SUGCT: variants seen among roughly 807,000 people sequenced by gnomAD.
The protein encoded by SUGCT is succinyl-CoA:glutarate CoA-transferase.
SUGCT carries 41 observed loss-of-function variants against 55.0 expected under a neutral mutation model. The ratio of observed to expected loss-of-function variants is 0.74; its 90% confidence interval spans 0.58 to 0.97. The LOEUF is 0.97. SUGCT is among the 50% of genes least tolerant of loss of function. SUGCT has a pLI of 0.00. For synonymous variants in SUGCT, 187 were observed against 200.4 expected, an observed-to-expected ratio of 0.93 and a Z score of 0.56; for missense variants, 568 against 547.8, an observed-to-expected ratio of 1.04 and a Z score of -0.37.
chr7:40,473,078 T>C (rs1790482030), intron 11 of SUGCT, among the ~76,000 whole-genome samples: 1 of 152,198 alleles, frequency 6.6e-6, no homozygotes, highest in Non-Finnish European at 1.5e-5. Context: ...TGTTTCTTGT[T>C]TGTGTATTAC....
At chr7:40,158,819 T>A (rs1337590736) in intron 1 of SUGCT, among the ~76,000 whole-genome samples, 1 of 152,214 alleles carries the variant, frequency 6.6e-6, no homozygotes. Context: ...AGCATTTACA[T>A]ATTTGTATTT....
chr7:40,766,303 C>G (rs562820736), intron 13 of SUGCT, among the ~76,000 whole-genome samples: 2 of 152,086 alleles, frequency 1.3e-5, no homozygotes, highest in Non-Finnish European at 2.9e-5. Context: ...CTCTGCCTCC[C>G]GGGTTCAAGC....
chr7:40,927,908 T>TAA, the SUGCT span, among the ~76,000 whole-genome samples: 14 of 152,190 alleles, frequency 9.2e-5, no homozygotes, highest in Non-Finnish European at 1.9e-4. Context: ...ACATGAGAGT[T>TAA]TAGGTATAAA....
chr7:40,878,069 A>G, the SUGCT span, among the ~76,000 whole-genome samples: 1 of 152,068 alleles, frequency 6.6e-6, no homozygotes, highest in Non-Finnish European at 1.5e-5. Context: ...ACTCCATTAT[A>G]TCTTCTTTTG....
At chr7:40,203,732 A>ATG (rs1453846830) in intron 6 of SUGCT, among the ~76,000 whole-genome samples, 4 of 151,702 alleles carry the variant, frequency 2.6e-5, no homozygotes, top group Non-Finnish European at 5.9e-5. Context: ...CTGAGATCGC[A>ATG]CCATTGCACT....
At chr7:40,444,373 T>A (rs1047240285) in intron 9 of SUGCT, among the ~76,000 whole-genome samples, 3 of 152,144 alleles carry the variant, frequency 2.0e-5, no homozygotes, top group African/African-American at 7.2e-5. Context: ...TGTTCTTCCA[T>A]TTGTTTGTGT....
intron 13 of SUGCT, among the ~76,000 whole-genome samples, chr7:40,822,743 C>T (rs1001346542): frequency 3.2e-4 from 48 of 152,244 alleles, no homozygotes; most frequent in African/African-American, 1.1e-3. Context: ...GTGGACTCTC[C>T]TATCTGAGGT....
At chr7:40,617,571 A>G (rs1358021611) in intron 12 of SUGCT, among the ~76,000 whole-genome samples, 1 of 151,926 alleles carries the variant, frequency 6.6e-6, no homozygotes, top group Non-Finnish European at 1.5e-5. Flanking sequence ...AGCTACTTGA[A>G]AAAAAGGCAC....
intron 12 of SUGCT, among the ~76,000 whole-genome samples, chr7:40,605,461 C>T (rs1278764529): frequency 1.3e-5 from 2 of 152,188 alleles, no homozygotes; most frequent in Non-Finnish European, 2.9e-5. Flanking sequence ...TTATGTTTAA[C>T]ATAGCTCTTT....
chr7:40,340,754 G>A (rs930461759), intron 9 of SUGCT, among the ~76,000 whole-genome samples: 2 of 152,162 alleles, frequency 1.3e-5, no homozygotes, highest in African/African-American at 4.8e-5. Context: ...AGAAATAAAA[G>A]CGTTTTTATA....
chr7:40,401,233 C>T (rs1271068432), intron 9 of SUGCT, among the ~76,000 whole-genome samples: 1 of 152,094 alleles, frequency 6.6e-6, no homozygotes, highest in African/African-American at 2.4e-5. Flanking sequence ...CCAAAAATTT[C>T]CTTGGGCTCT....
intron 11 of SUGCT, among the ~76,000 whole-genome samples, chr7:40,463,804 G>A (rs1190442569): frequency 6.6e-6 from 1 of 152,168 alleles, no homozygotes; most frequent in Non-Finnish European, 1.5e-5. Context: ...TTTATCCAGG[G>A]TGTTGCAGAA....
chr7:40,348,381 C>T (rs1435644145), intron 9 of SUGCT, among the ~76,000 whole-genome samples: 6 of 152,322 alleles, frequency 3.9e-5, no homozygotes, highest in Admixed American at 3.3e-4. Context: ...AATGGTGCAG[C>T]TTGGGCTAAC....
intron 13 of SUGCT, among the ~76,000 whole-genome samples, chr7:40,814,285 A>G (rs952580907): frequency 1.3e-5 from 2 of 152,058 alleles, no homozygotes; most frequent in African/African-American, 4.8e-5. Context: ...GATTTCCTCA[A>G]ATTTTTTTTT....
the SUGCT span, among the ~76,000 whole-genome samples, chr7:40,959,418 G>A: frequency 4.6e-5 from 7 of 152,224 alleles, no homozygotes; most frequent in African/African-American, 1.7e-4. Context: ...TTGCCAAGCT[G>A]TGGTGGGCTC....
At chr7:40,686,641 T>A (rs1784480662) in intron 12 of SUGCT, among the ~76,000 whole-genome samples, 1 of 152,118 alleles carries the variant, frequency 6.6e-6, no homozygotes, top group African/African-American at 2.4e-5. Context: ...TATCAGCATC[T>A]ACACATCCAT....
chr7:40,389,772 C>A (rs1379886715), intron 9 of SUGCT, among the ~76,000 whole-genome samples: 2 of 152,190 alleles, frequency 1.3e-5, no homozygotes, highest in African/African-American at 4.8e-5. Flanking sequence ...CTACTCCTAA[C>A]TACTGCACTC....
intron 2 of SUGCT, among the ~76,000 whole-genome samples, 168 bp downstream of exon 2, chr7:40,181,166 TGTA>T (rs1469057502): frequency 1.3e-5 from 2 of 152,118 alleles, no homozygotes; most frequent in African/African-American, 4.8e-5. Context: ...AGACAATTAG[TGTA>T]GTATTTATGC....
At chr7:40,314,099 C>T (rs1418977757) in intron 8 of SUGCT, among the ~76,000 whole-genome samples, 1 of 152,102 alleles carries the variant, frequency 6.6e-6, no homozygotes, top group African/African-American at 2.4e-5. Context: ...AGGTCAGAAA[C>T]ACAGAAGTCA....
Sources: gnomAD v4.1 joint callset for allele counts (sites outside exome capture counted in the v4.1 genomes callset) on GRCh38, gnomAD v4.1.1 for gene constraint, MANE v1.5 for transcripts, NCBI Gene and HGNC (gene_info 2026-07-23, HGNC 2026-07-21) for gene names.